The following NGEF variants were observed in gnomAD, a reference collection of about 807,000 sequenced individuals.
The protein encoded by NGEF is ephexin-1.
NGEF carries 31 observed loss-of-function variants against 80.9 expected under a neutral mutation model. That is an observed-to-expected ratio of 0.38 (90% CI 0.29 to 0.52). The LOEUF (loss-of-function observed/expected upper bound fraction) is 0.52, where lower values mean the gene tolerates loss of function less well. Among genes scored for constraint, NGEF ranks in the 20% least tolerant of loss-of-function variants. NGEF has a pLI of 0.84. For synonymous variants in NGEF, 371 were observed against 370.2 expected, an observed-to-expected ratio of 1.00 and a Z score of -0.03; for missense variants, 709 against 926.2, an observed-to-expected ratio of 0.77 and a Z score of 3.04.
chr2:232,906,761 A>G (rs925035888), intron 5 of NGEF, among the ~76,000 whole-genome samples: 2 of 151,372 alleles, frequency 1.3e-5, no homozygotes, highest in Non-Finnish European at 2.9e-5. Context: ...TGGGGAAAAG[A>G]TTGAGAAATC....
At chr2:233,010,437 TCTC>T (rs1222536685) in intron 1 of NGEF, among the ~76,000 whole-genome samples, 3 of 152,178 alleles carry the variant, frequency 2.0e-5, no homozygotes, top group African/African-American at 7.2e-5. Context: ...CCCCAGTTCT[TCTC>T]CTCCTCCTGG....
intron 5 of NGEF, among the ~76,000 whole-genome samples, chr2:232,895,738 C>T (rs1349227406): frequency 6.6e-6 from 1 of 152,102 alleles, no homozygotes; most frequent in Non-Finnish European, 1.5e-5. Flanking sequence ...TACCTTTTTA[C>T]CTTTTGAATC....
chr2:232,914,471 G>C (rs1391231923), intron 5 of NGEF, among the ~76,000 whole-genome samples: 1 of 152,194 alleles, frequency 6.6e-6, no homozygotes, highest in African/African-American at 2.4e-5. Flanking sequence ...GGGAGGCTGA[G>C]GCAGGGAGAT....
chr2:232,883,771 C>T (rs551925818), intron 11 of NGEF, among the ~76,000 whole-genome samples: 2 of 152,222 alleles, frequency 1.3e-5, no homozygotes, highest in Non-Finnish European at 2.9e-5. Context: ...GTAAAACCCC[C>T]ACTTTACAGG....
chr2:232,951,794 C>T (rs72978115), intron 3 of NGEF, among the ~76,000 whole-genome samples: 26,493 of 152,106 alleles, frequency 0.17, 2,618 homozygotes, highest in East Asian at 0.35. Flanking sequence ...TAATTTCTCC[C>T]ATGGGTTCTT....
At chr2:232,996,243 G>A (rs182454875) in intron 1 of NGEF, among the ~76,000 whole-genome samples, 5 of 152,170 alleles carry the variant, frequency 3.3e-5, no homozygotes, top group African/African-American at 1.2e-4. Context: ...CACGAGAATC[G>A]CTTGAACCCA....
chr2:232,936,196 T>C (rs1693320130), intron 3 of NGEF, among the ~76,000 whole-genome samples: 1 of 152,176 alleles, frequency 6.6e-6, no homozygotes, highest in Admixed American at 6.5e-5. Flanking sequence ...CAAAAATAAA[T>C]TGTTTTGTTG....
At chr2:232,986,298 A>G (rs72980014) in intron 1 of NGEF, among the ~76,000 whole-genome samples, 30,736 of 152,204 alleles carry the variant, frequency 0.2, 4,016 homozygotes, top group Non-Finnish European at 0.28. Flanking sequence ...GGAAAACAGT[A>G]TGGAGGTTCC....
intron 3 of NGEF, among the ~76,000 whole-genome samples, chr2:232,958,637 C>T (rs969866722): frequency 3.9e-5 from 6 of 152,014 alleles, no homozygotes; most frequent in African/African-American, 9.7e-5. Context: ...GCCAACCTCC[C>T]GGAAAAGGAG....
chr2:232,899,486 T>A (rs1692204879), intron 5 of NGEF, among the ~76,000 whole-genome samples: 1 of 152,196 alleles, frequency 6.6e-6, no homozygotes, highest in African/African-American at 2.4e-5. Flanking sequence ...CTCTTGCTGA[T>A]GGGTCAGGGG....
intron 3 of NGEF, among the ~76,000 whole-genome samples, chr2:232,959,103 G>A (rs774185057): frequency 2.6e-5 from 4 of 152,170 alleles, no homozygotes; most frequent in Admixed American, 6.5e-5. Flanking sequence ...AAGAGATTCA[G>A]ATAGAGTCTG....
chr2:232,915,659 C>T (rs552940858), intron 5 of NGEF, among the ~76,000 whole-genome samples: 144 of 152,140 alleles, frequency 9.5e-4, no homozygotes, highest in African/African-American at 3.4e-3. Context: ...CGCATGGCAA[C>T]GTCTCCTCTT....
At position 232,991,077 on chromosome 2, in the gene NGEF, A is replaced by C. The variant is rs542082275; in HGVS notation, c.-74-16113T>G. Among the ~76,000 whole-genome samples, 3 of 152,226 alleles carry C rather than the reference A, an allele frequency of 2.0e-5. No individual in the cohort carries two copies. In the East Asian group the frequency reaches 5.8e-4, roughly 29 times the overall value. ...ATTCAACAAACCAGGTATAGAAGAAAATTTTCTCAAACCTGATGAAGGGCA... is the reference window on the plus strand; with the variant it reads ...ATTCAACAAACCAGGTATAGAAGAACATTTTCTCAAACCTGATGAAGGGCA... On this transcript the variant is annotated intron_variant, in intron 1 of 14. Transcript: ENST00000264051.
intron 1 of NGEF, among the ~76,000 whole-genome samples, chr2:233,012,152 C>T (rs1049106266): frequency 2.0e-5 from 3 of 152,162 alleles, no homozygotes; most frequent in Admixed American, 6.5e-5. Flanking sequence ...CTGGAACATT[C>T]CCACCAGTGG....
intron 4 of NGEF, among the ~76,000 whole-genome samples, chr2:232,921,109 T>C (rs1692933493): frequency 6.6e-6 from 1 of 152,246 alleles, no homozygotes; most frequent in African/African-American, 2.4e-5. Context: ...GCTTTCACAG[T>C]TGCAGACTTC....
intron 5 of NGEF, among the ~76,000 whole-genome samples, chr2:232,897,511 C>T (rs545044840): frequency 9.2e-5 from 14 of 152,232 alleles, no homozygotes; most frequent in African/African-American, 1.7e-4. Flanking sequence ...ATTTGATGCC[C>T]GCCTGCAGGA....
At chr2:232,896,973 G>C (rs1692113275) in intron 5 of NGEF, among the ~76,000 whole-genome samples, 1 of 128,606 alleles carries the variant, frequency 7.8e-6, no homozygotes, top group South Asian at 2.7e-4. Flanking sequence ...GGGGGTAGTG[G>C]TGGGGTTAAG....
At chr2:232,971,541 C>T (rs6736921) in intron 2 of NGEF, among the ~76,000 whole-genome samples, 87,915 of 151,802 alleles carry the variant, frequency 0.58, 26,454 homozygotes, top group African/African-American at 0.7. Flanking sequence ...AAAAATTAGC[C>T]GGGCATGGTG....
intron 11 of NGEF, 113 bp downstream of exon 11, chr2:232,883,868 C>T (rs1399086152): frequency 3.6e-5 from 42 of 1,159,814 alleles, no homozygotes; most frequent in Non-Finnish European, 4.6e-5. Context: ...TAAACCTGAC[C>T]GAAGAGCCCA....
Sources: allele counts gnomAD v4.1 joint callset (sites outside exome capture counted in the v4.1 genomes callset), GRCh38; gene constraint gnomAD v4.1.1; transcripts MANE v1.5; gene names NCBI Gene and HGNC (gene_info 2026-07-23, HGNC 2026-07-21).